The following CC2D2A variants were observed in gnomAD, a reference collection of about 807,000 sequenced individuals.
CC2D2A encodes coiled-coil and C2 domain containing 2A.
In CC2D2A, 155 loss-of-function variants were observed where a neutral mutation model predicts 212.9. That is an observed-to-expected ratio of 0.73 (90% CI 0.64 to 0.83). CC2D2A has a LOEUF of 0.83. CC2D2A is among the 40% of genes least tolerant of loss of function. CC2D2A has a pLI of 0.00. For missense variants in CC2D2A, 1,856 were observed against 1,956.2 expected (o/e 0.95, Z 0.97); for synonymous variants, 667 against 686.5 (o/e 0.97, Z 0.44).
chr4:15,545,984 C>T (rs147842875), intron 17 of CC2D2A, among the ~76,000 whole-genome samples: 78 of 152,214 alleles, frequency 5.1e-4, no homozygotes, highest in African/African-American at 1.8e-3. Flanking sequence ...GTGGTACATA[C>T]CTCTAGTCCC....
intron 6 of CC2D2A, among the ~76,000 whole-genome samples, chr4:15,508,199 G>A (rs1716366888): frequency 6.6e-6 from 1 of 152,150 alleles, no homozygotes. Context: ...ACTCCTCAGA[G>A]GATCCCTGTG....
intron 30 of CC2D2A, among the ~76,000 whole-genome samples, chr4:15,582,631 C>T (rs564938535): frequency 1.2e-4 from 19 of 152,176 alleles, no homozygotes; most frequent in African/African-American, 4.6e-4. Flanking sequence ...ATACAACTTA[C>T]CAAGACTGAA....
rs1553822163 is a variant in CC2D2A at position 15,493,269 on chromosome 4, T to TTTATTTATTTAC, written c.248-9157_248-9156insTTTATTTACTTA. Among the ~76,000 whole-genome samples the TTTATTTATTTAC allele has an allele frequency of 7.3e-5, 11 of 150,726 alleles. No homozygotes were observed. In the South Asian group the frequency reaches 1.3e-3, roughly 17 times the overall value. The stretch of plus-strand genomic sequence containing the variant: ...TATTATTTATTTATTTATTTATTTA[T>TTTATTTATTTAC]TTACTTACTTACTTACTGAGACAAG... On this transcript the variant is annotated intron_variant, in intron 4 of 36. Transcript: ENST00000424120.
chr4:15,497,901 G>C (rs1715709714), intron 4 of CC2D2A, among the ~76,000 whole-genome samples: 2 of 152,176 alleles, frequency 1.3e-5, no homozygotes, highest in Non-Finnish European at 2.9e-5. Flanking sequence ...GAAAAACATA[G>C]GTGAGGCATC....
intron 17 of CC2D2A, among the ~76,000 whole-genome samples, chr4:15,542,025 C>CTAATCTCTGCTTCCA (rs1718482022): frequency 6.6e-6 from 1 of 152,068 alleles, no homozygotes; most frequent in East Asian, 1.9e-4. Flanking sequence ...TAGCGTAACT[C>CTAATCTCTGCTTCCA]TAATCTCTGC....
chr4:15,516,496 T>A, intron 10 of CC2D2A, 129 bp from the exon 11 acceptor site: 2 of 821,580 alleles, frequency 2.4e-6, no homozygotes, highest in Non-Finnish European at 3.7e-6. Context: ...CTTTTACAGT[T>A]CTGTTGGGGG....
At chr4:15,535,625 C>G (rs1027386431) in intron 14 of CC2D2A, among the ~76,000 whole-genome samples, 17 of 152,030 alleles carry the variant, frequency 1.1e-4, no homozygotes, top group Non-Finnish European at 7.4e-5. Context: ...AATTTTGAAG[C>G]CGAATTCCCC....
Position 15,480,702 on chromosome 4 carries a change from A to T in CC2D2A, c.124-2A>T. ...TCTGAACCTCTGACCTTCTTCCTCC[A>T]GCCACCAACTGCTGTCCCCAAGGAA... On this transcript the variant is annotated splice_acceptor_variant, in intron 3 of 36. Transcript: ENST00000424120. LOFTEE classifies it high-confidence loss of function. The T allele has an allele frequency of 6.2e-7, 1 of 1,609,000 alleles. No individual in the cohort carries two copies. Among genetic ancestry groups the T allele is most frequent in the Non-Finnish European group, 8.5e-7 (1 of 1,177,850 alleles).
At chr4:15,478,879 C>G in intron 3 of CC2D2A, 73 bp downstream of exon 3, 2 of 1,240,776 alleles carry the variant, frequency 1.6e-6, no homozygotes, top group East Asian at 2.5e-5. Context: ...CAGGGCCATA[C>G]AGAATCCACA....
intron 34 of CC2D2A, 96 bp downstream of exon 34, chr4:15,596,303 A>C: frequency 8.7e-7 from 1 of 1,143,596 alleles, no homozygotes; most frequent in Middle Eastern, 3.1e-4. Context: ...GTAGTCTAGA[A>C]CAGTATTTGT....
intron 35 of CC2D2A, among the ~76,000 whole-genome samples, chr4:15,599,245 T>TA (rs370568315): frequency 1.7e-3 from 256 of 152,350 alleles, no homozygotes; most frequent in African/African-American, 5.9e-3. Flanking sequence ...TCTTCTGTGT[T>TA]ACATTTCAAG....
At chr4:15,577,204 C>T (rs947435311) in intron 29 of CC2D2A, among the ~76,000 whole-genome samples, 2 of 152,106 alleles carry the variant, frequency 1.3e-5, no homozygotes, top group African/African-American at 4.8e-5. Flanking sequence ...TTTTGTTGAC[C>T]AGGCTGCTTT....
chr4:15,546,593 A>G (rs1024030067), intron 17 of CC2D2A, among the ~76,000 whole-genome samples: 11 of 152,322 alleles, frequency 7.2e-5, no homozygotes, highest in African/African-American at 2.4e-4. Context: ...TGTTTGGAGA[A>G]GTGTCCTTGT....
intron 24 of CC2D2A, among the ~76,000 whole-genome samples, chr4:15,565,054 C>T (rs1560185503): frequency 6.6e-6 from 1 of 152,222 alleles, no homozygotes; most frequent in Non-Finnish European, 1.5e-5. Flanking sequence ...CTACAATCAT[C>T]AACTATTCCT....
In CC2D2A at chr4:15,522,947, G is replaced by A. The variant is rs562682764; in HGVS notation, c.1150-4500G>A. ...CAGCCTGGCCAACATGGTGAAACCC[G>A]TCTCTACTAAAAATACAAAAATTAG... On this transcript the variant is annotated intron_variant, in intron 11 of 36. Coordinates refer to ENST00000424120, the MANE Select transcript of CC2D2A (RefSeq NM_001378615.1). Among the ~76,000 whole-genome samples, 7 of 147,792 alleles carry A rather than the reference G, an allele frequency of 4.7e-5. No homozygotes were observed. The South Asian group carries it at 8.9e-4, about 19-fold the overall frequency.
intron 11 of CC2D2A, among the ~76,000 whole-genome samples, chr4:15,526,905 C>G (rs1223462424): frequency 1.3e-5 from 2 of 152,214 alleles, no homozygotes; most frequent in African/African-American, 4.8e-5. Context: ...ACAGCCCCCA[C>G]TCTTATTTTG....
intron 17 of CC2D2A, among the ~76,000 whole-genome samples, chr4:15,543,044 C>T (rs994358036): frequency 2.0e-5 from 3 of 152,142 alleles, no homozygotes; most frequent in African/African-American, 4.8e-5. Context: ...CAAGGTCAAC[C>T]GCCTTGGCTT....
At chr4:15,600,585 T>A (rs756236331) in intron 36 of CC2D2A, among the ~76,000 whole-genome samples, 1 of 152,140 alleles carries the variant, frequency 6.6e-6, no homozygotes, top group Non-Finnish European at 1.5e-5. Context: ...CCCATCCCCG[T>A]GGATCAATCA....
Position 15,475,458 on chromosome 4 carries a change from C to A in CC2D2A, c.-18-457C>A, listed in dbSNP as rs151237479. On this transcript the variant is annotated intron_variant, in intron 1 of 36. Transcript: ENST00000424120. ...GCCTAGTGCACTGTTCAAGGAGGGG[C>A]CCCATGGGACATGGGGGTTCATAGT... Among the ~76,000 whole-genome samples, 732 of 151,988 alleles carry A rather than the reference C, an allele frequency of 4.8e-3. 4 individuals carry two copies. Among genetic ancestry groups the A allele is most frequent in the African/African-American group, 0.016 (676 of 41,454 alleles).
Sources: gnomAD v4.1 joint callset for allele counts (sites outside exome capture counted in the v4.1 genomes callset) on GRCh38, gnomAD v4.1.1 for gene constraint, MANE v1.5 for transcripts, NCBI Gene and HGNC (gene_info 2026-07-23, HGNC 2026-07-21) for gene names.